Variants in DCHS2 observed in about 807,000 individuals in gnomAD.
DCHS2 encodes protocadherin-23.
DCHS2 carries 142 observed loss-of-function variants against 182.4 expected under a neutral mutation model. That is an observed-to-expected ratio of 0.78 (90% confidence interval 0.68 to 0.89). The LOEUF is 0.89. Ranked by LOEUF, DCHS2 falls within the 40% of genes least tolerant of loss-of-function variation. DCHS2 has a pLI of 0.00. For missense variants in DCHS2, 4,319 were observed against 4,198.6 expected (o/e 1.03, Z -0.79); for synonymous variants, 1,740 against 1,663.3 (o/e 1.05, Z -1.12).
At chr4:154,408,219 A>G (rs141572811) in intron 1 of DCHS2, among the ~76,000 whole-genome samples, 16 of 152,370 alleles carry the variant, frequency 1.1e-4, no homozygotes, top group African/African-American at 3.6e-4. Context: ...TGTGTGAAAT[A>G]CATTCAGCCA....
rs144067304 is a variant in DCHS2, at chr4:154,320,871, A to T, written c.4528T>A (p.Phe1510Ile). The T allele has an allele frequency of 3.7e-6, 6 of 1,613,962 alleles. No individual in the cohort carries two copies. Among genetic ancestry groups the T allele is most frequent in the African/African-American group, 1.3e-5 (1 of 74,912 alleles). Residue 1510 changes from phenylalanine to isoleucine, a missense_variant, in exon 9 of 20, where the codon TTC becomes ATC. Coordinates refer to ENST00000357232, the MANE Select transcript of DCHS2 (RefSeq NM_001358235.2). ...VEDQNDHSPS[F>I]QDELIVISVE... ...CTGATCACAATGAGCTCATCCTGGAAAGATGGGGAATGGTCATTCTGATCT... is the reference window on the plus strand; with the variant it reads ...CTGATCACAATGAGCTCATCCTGGATAGATGGGGAATGGTCATTCTGATCT...
chr4:154,326,374 T>A (rs1431121362), intron 7 of DCHS2, among the ~76,000 whole-genome samples: 1 of 152,210 alleles, frequency 6.6e-6, no homozygotes, highest in Non-Finnish European at 1.5e-5. Context: ...TATAATTATC[T>A]TTTCCCAACT....
Position 154,386,268 on chromosome 4 carries a change from G to A in DCHS2, c.2053-8824C>T, listed in dbSNP as rs531748972. Among the ~76,000 whole-genome samples, 6 of 152,204 alleles carry A rather than the reference G, an allele frequency of 3.9e-5. No homozygotes were observed. In the South Asian group the frequency reaches 1.0e-3, roughly 26 times the overall value. On this transcript the variant is annotated intron_variant, in intron 1 of 19. Coordinates refer to ENST00000357232, the MANE Select transcript of DCHS2 (RefSeq NM_001358235.2). ...CTGACCTCATCCTCCACTCCTGTCC[G>A]ACTCTTTCACTCCCCTCTGGACACA...
At chr4:154,385,495 C>A (rs574312241) in intron 1 of DCHS2, among the ~76,000 whole-genome samples, 7 of 152,128 alleles carry the variant, frequency 4.6e-5, no homozygotes, top group Middle Eastern at 3.4e-3. Flanking sequence ...TGAGGAATCG[C>A]CACACTGACT....
At chr4:154,331,539 GCCATGTGCCCTGTGAAAA>G (rs772338821) in intron 5 of DCHS2, 1 of 1,561,892 alleles carries the variant, frequency 6.4e-7, no homozygotes, top group South Asian at 1.2e-5. Flanking sequence ...TTCTTGGCAA[GCCATGTGCCCTGTGAAAA>G]CCCTCCATCT....
intron 1 of DCHS2, among the ~76,000 whole-genome samples, chr4:154,399,491 A>G (rs1264921508): frequency 6.6e-6 from 1 of 152,216 alleles, no homozygotes; most frequent in Non-Finnish European, 1.5e-5. Flanking sequence ...ATTCAGAACT[A>G]CAGAACTACA....
At position 154,297,959 on chromosome 4, in the gene DCHS2, C is replaced by T. The variant is rs1466053987; in HGVS notation, c.6355G>A (p.Ala2119Thr). The T allele has an allele frequency of 1.2e-6, 2 of 1,613,958 alleles. No homozygotes were observed. The highest frequency in any genetic ancestry group is 1.7e-6 in the Non-Finnish European group (2 of 1,179,998). Residue 2119 changes from alanine to threonine, a missense_variant, in exon 13 of 20, where the codon GCC (alanine) becomes ACC (threonine). Coordinates refer to ENST00000357232, the MANE Select transcript of DCHS2 (RefSeq NM_001358235.2). ...ACCAAGAGACCCGTGGTTGTCCTGGCTGGAATGCCCTGGTCTGTAACTTTT... is the reference window on the plus strand; with the variant it reads ...ACCAAGAGACCCGTGGTTGTCCTGGTTGGAATGCCCTGGTCTGTAACTTTT... ...QLKVTDQGIP[A>T]RTTTGLLVIH...
intron 1 of DCHS2, among the ~76,000 whole-genome samples, chr4:154,434,777 C>T (rs1041401969): frequency 4.6e-5 from 7 of 152,276 alleles, no homozygotes; most frequent in African/African-American, 1.2e-4. Context: ...TATTTTACCT[C>T]TGTGGTCTTC....
rs1406967248 is a variant in DCHS2 at position 154,329,565 on chromosome 4, G to A, written c.3876C>T (p.Pro1292=). 9 of 1,613,708 alleles carry A rather than the reference G, an allele frequency of 5.6e-6. No individual in the cohort carries two copies. Among genetic ancestry groups the A allele is most frequent in the Middle Eastern group, 1.7e-4 (1 of 5,826 alleles). The change falls in exon 6 of 20, where the codon CCC becomes CCT. Residue 1292 remains proline (P), a synonymous_variant. Coordinates refer to ENST00000357232, the MANE Select transcript of DCHS2 (RefSeq NM_001358235.2). ...VSVTDINDNR[P]FFPQCLPGKE... The stretch of plus-strand genomic sequence containing the variant: ...TTCCAGGGAGACACTGGGGGAAGAA[G>A]GGCCTGTTATCATTGATGTCAGTAA...
intron 1 of DCHS2, among the ~76,000 whole-genome samples, chr4:154,403,658 A>C (rs536953270): frequency 7.5e-4 from 114 of 152,288 alleles, no homozygotes; most frequent in African/African-American, 2.6e-3. Flanking sequence ...TGGCCTTATA[A>C]CATGAGTTGG....
intron 1 of DCHS2, among the ~76,000 whole-genome samples, chr4:154,438,627 T>A (rs571578316): frequency 6.6e-6 from 1 of 152,338 alleles, no homozygotes; most frequent in South Asian, 2.1e-4. Context: ...CACGAACATG[T>A]TACAACTCTC....
chr4:154,435,521 G>A (rs749412881), intron 1 of DCHS2, among the ~76,000 whole-genome samples: 7 of 151,708 alleles, frequency 4.6e-5, no homozygotes, highest in African/African-American at 7.3e-5. Context: ...GTGTGAACCC[G>A]GGAGGCAGAG....
At chr4:154,341,562 A>G (rs1219705965) in intron 3 of DCHS2, among the ~76,000 whole-genome samples, 1 of 152,100 alleles carries the variant, frequency 6.6e-6, no homozygotes, top group Non-Finnish European at 1.5e-5. Context: ...TATATACTGT[A>G]TATGTATCGT....
chr4:154,276,081 C>T (rs1733842946), intron 13 of DCHS2, among the ~76,000 whole-genome samples: 1 of 152,068 alleles, frequency 6.6e-6, no homozygotes, highest in South Asian at 2.1e-4. Context: ...GGACTTGAAT[C>T]CTTCTTGGCA....
chr4:154,487,480 TC>T (rs1476443030), intron 1 of DCHS2, among the ~76,000 whole-genome samples: 1 of 152,214 alleles, frequency 6.6e-6, no homozygotes, highest in African/African-American at 2.4e-5. Flanking sequence ...TGTGGATTTG[TC>T]CATTTCATCA....
At chr4:154,365,409 C>T (rs1343350804) in intron 3 of DCHS2, among the ~76,000 whole-genome samples, 1 of 152,084 alleles carries the variant, frequency 6.6e-6, no homozygotes, top group African/African-American at 2.4e-5. Context: ...ACCGTTTCTA[C>T]ATAAATTACT....
Position 154,377,460 on chromosome 4 carries a change from G to C in DCHS2, c.2053-16C>G. 6.3e-7 allele frequency: 1 copy of C among 1,595,638 alleles called. No individual in the cohort carries two copies. On this transcript the variant is annotated splice_polypyrimidine_tract_variant and intron_variant, in intron 1 of 19. Transcript: ENST00000357232. ...AGGCTGTCACCTGTGAGACAGGAGG[G>C]TGATCAGGAGGAAACAGAAATGCTA...
chr4:154,396,276 A>G (rs1220821121), intron 1 of DCHS2, among the ~76,000 whole-genome samples: 1 of 151,906 alleles, frequency 6.6e-6, no homozygotes, highest in Non-Finnish European at 1.5e-5. Flanking sequence ...GGAGGGAGGG[A>G]AAAATGGGAG....
At chr4:154,328,969 T>A (rs1736403017) in intron 6 of DCHS2, among the ~76,000 whole-genome samples, 1 of 152,222 alleles carries the variant, frequency 6.6e-6, no homozygotes, top group South Asian at 2.1e-4. Context: ...TTATTAATTA[T>A]GTGAATGAAC....
Sources: gnomAD v4.1 joint callset for allele counts (sites outside exome capture counted in the v4.1 genomes callset) on GRCh38, gnomAD v4.1.1 for gene constraint, MANE v1.5 for transcripts, NCBI Gene and HGNC (gene_info 2026-07-23, HGNC 2026-07-21) for gene names.